The following CNTNAP5 variants were observed in gnomAD, a reference collection of about 807,000 sequenced individuals.
CNTNAP5 encodes contactin-associated protein-like 5.
CNTNAP5 carries 72 observed loss-of-function variants against 150.2 expected under a neutral mutation model. The observed-to-expected ratio is 0.48, with a 90% CI of 0.40 to 0.58. The LOEUF (loss-of-function observed/expected upper bound fraction) is 0.58, where lower values mean the gene tolerates loss of function less well. CNTNAP5 is among the 20% of genes least tolerant of loss of function. The probability of loss-of-function intolerance (pLI) is 0.00; values close to 1 mark genes in which losing one functional copy is unlikely to be tolerated. For missense variants in CNTNAP5, 1,636 were observed against 1,626.2 expected, an observed-to-expected ratio of 1.01 and a Z score of -0.10; for synonymous variants, 672 against 619.8, an observed-to-expected ratio of 1.08 and a Z score of -1.25.
chr2:124,384,174 A>T (rs1320037800), intron 3 of CNTNAP5, among the ~76,000 whole-genome samples: 1 of 152,132 alleles, frequency 6.6e-6, no homozygotes, highest in African/African-American at 2.4e-5. Flanking sequence ...TTGAAAGTTA[A>T]AGAGGTCTCT....
chr2:124,454,673 C>A (rs1483145539), intron 6 of CNTNAP5, among the ~76,000 whole-genome samples: 1 of 152,030 alleles, frequency 6.6e-6, no homozygotes, highest in Non-Finnish European at 1.5e-5. Context: ...TTCAAGAAAA[C>A]TGAAATTATG....
intron 1 of CNTNAP5, among the ~76,000 whole-genome samples, chr2:124,199,099 T>C (rs1685657514): frequency 6.6e-6 from 1 of 152,156 alleles, no homozygotes; most frequent in Non-Finnish European, 1.5e-5. Flanking sequence ...TATTTTCTTC[T>C]TTTTCAGGAA....
rs71394025 is a variant in CNTNAP5 at position 124,149,403 on chromosome 2, C to CAAAAAA, written c.83-72284_83-72279dup. On this transcript the variant is annotated intron_variant, in intron 1 of 23. Coordinates refer to ENST00000682447, the MANE Select transcript of CNTNAP5 (RefSeq NM_001367498.1). ...ATGTGTTCCAAGATGGCGTCAATTG[C>CAAAAAA]AAAAAAAAAAAAAAAAAAAAAAACT... 1.0e-3 allele frequency among the ~76,000 whole-genome samples: 83 copies of CAAAAAA among 82,764 alleles called. 1 individual carries two copies. Among genetic ancestry groups the CAAAAAA allele is most frequent in the Non-Finnish European group, 1.4e-3 (66 of 45,538 alleles). 54.3% of individuals were successfully genotyped at this position (82,764 alleles called of 152,430 possible).
intron 2 of CNTNAP5, among the ~76,000 whole-genome samples, chr2:124,237,060 C>T (rs1037547179): frequency 6.6e-5 from 10 of 152,022 alleles, no homozygotes; most frequent in African/African-American, 2.4e-4. Context: ...ACCCAGGAGG[C>T]AGAAGTTGCA....
At chr2:124,201,545 A>G (rs1200456737) in intron 1 of CNTNAP5, among the ~76,000 whole-genome samples, 2 of 152,224 alleles carry the variant, frequency 1.3e-5, no homozygotes, top group African/African-American at 4.8e-5. Flanking sequence ...TACATCTAAA[A>G]CCCTGCTTCT....
At position 124,542,578 on chromosome 2, in the gene CNTNAP5, T is replaced by C. The variant is rs528198291; in HGVS notation, c.1649+15122T>C. On this transcript the variant is annotated intron_variant, in intron 10 of 23. Transcript: ENST00000682447. Reference sequence around the variant, plus strand: ...GTCTGGAGCTCCCTTCCCAGTTTCTTTTGCCCAAATCCAGCCCATCTGTCA... The same window carrying C: ...GTCTGGAGCTCCCTTCCCAGTTTCTCTTGCCCAAATCCAGCCCATCTGTCA... Among the ~76,000 whole-genome samples, 13 of 152,160 alleles carry C rather than the reference T, an allele frequency of 8.5e-5. No homozygotes were observed. In the East Asian group the frequency reaches 2.5e-3, roughly 29 times the overall value.
chr2:124,158,600 G>T (rs961066811), intron 1 of CNTNAP5, among the ~76,000 whole-genome samples: 4 of 152,158 alleles, frequency 2.6e-5, no homozygotes, highest in African/African-American at 9.7e-5. Flanking sequence ...AATGTGGAGG[G>T]CTGACTCTAT....
chr2:124,280,258 C>G lies in CNTNAP5; in HGVS notation c.381+37865C>G, dbSNP rs144518897. Among the ~76,000 whole-genome samples the G allele has an allele frequency of 2.6e-5, 4 of 152,182 alleles. No individual in the cohort carries two copies. In the East Asian group the frequency reaches 7.7e-4, roughly 29 times the overall value. On this transcript the variant is annotated intron_variant, in intron 3 of 23. Transcript: ENST00000682447. ...TCTCAGCTCACTGAAACCTCTACCT[C>G]CCTGGTTCAAGCAATTCCTCTGTCT...
intron 1 of CNTNAP5, among the ~76,000 whole-genome samples, chr2:124,213,157 T>C (rs1448749835): frequency 1.3e-5 from 2 of 152,052 alleles, no homozygotes; most frequent in African/African-American, 4.8e-5. Flanking sequence ...ATAATTCTGC[T>C]CTTTCATCCT....
At chr2:124,125,405 T>G (rs1230639504) in intron 1 of CNTNAP5, among the ~76,000 whole-genome samples, 1 of 152,108 alleles carries the variant, frequency 6.6e-6, no homozygotes, top group African/African-American at 2.4e-5. Context: ...GCACCCAGAT[T>G]CATAAAGCAA....
chr2:124,303,163 T>C (rs1031329830), intron 3 of CNTNAP5, among the ~76,000 whole-genome samples: 2 of 152,216 alleles, frequency 1.3e-5, no homozygotes, highest in South Asian at 4.2e-4. Flanking sequence ...GGGAGGTCTA[T>C]TTTTTTCATT....
chr2:124,110,036 A>G (rs1683259305), intron 1 of CNTNAP5, among the ~76,000 whole-genome samples: 1 of 152,154 alleles, frequency 6.6e-6, no homozygotes, highest in Admixed American at 6.5e-5. Context: ...TAGGCCACAC[A>G]TGTGTTCAGT....
chr2:124,104,640 G>T (rs1683135934), intron 1 of CNTNAP5, among the ~76,000 whole-genome samples: 1 of 152,090 alleles, frequency 6.6e-6, no homozygotes, highest in African/African-American at 2.4e-5. Context: ...GCAAAGTAAA[G>T]CACTTTCCTA....
At chr2:124,364,638 A>T (rs1690317309) in intron 3 of CNTNAP5, among the ~76,000 whole-genome samples, 2 of 152,226 alleles carry the variant, frequency 1.3e-5, no homozygotes, top group African/African-American at 4.8e-5. Context: ...AAATAGATGA[A>T]AGAATGAACA....
intron 4 of CNTNAP5, among the ~76,000 whole-genome samples, chr2:124,426,107 T>C (rs1692232214): frequency 6.6e-6 from 1 of 152,180 alleles, no homozygotes; most frequent in Non-Finnish European, 1.5e-5. Context: ...AGAGCTAGAA[T>C]GTATTTCTGC....
At chr2:124,660,457 G>A (rs1008715577) in intron 13 of CNTNAP5, among the ~76,000 whole-genome samples, 31 of 152,078 alleles carry the variant, frequency 2.0e-4, no homozygotes, top group African/African-American at 7.5e-4. Flanking sequence ...AGCCACATGG[G>A]CAATTTAAAA....
intron 13 of CNTNAP5, among the ~76,000 whole-genome samples, chr2:124,718,313 T>C (rs1172939815): frequency 2.6e-5 from 4 of 152,192 alleles, no homozygotes; most frequent in Non-Finnish European, 5.9e-5. Flanking sequence ...AAGGTTCCTA[T>C]TTCTGTTTCA....
chr2:124,762,282 T>C (rs1305035068), intron 14 of CNTNAP5, among the ~76,000 whole-genome samples: 8 of 152,166 alleles, frequency 5.3e-5, no homozygotes, highest in Admixed American at 5.2e-4. Flanking sequence ...TAGGAATATA[T>C]GTACAGGTGA....
intron 4 of CNTNAP5, among the ~76,000 whole-genome samples, chr2:124,422,997 C>G (rs751157593): frequency 2.0e-5 from 3 of 152,102 alleles, no homozygotes; most frequent in Admixed American, 6.5e-5. Flanking sequence ...CTATCATTTC[C>G]GTGTCTGTGA....
Sources: gnomAD v4.1 joint callset for allele counts (sites outside exome capture counted in the v4.1 genomes callset) on GRCh38, gnomAD v4.1.1 for gene constraint, MANE v1.5 for transcripts, NCBI Gene and HGNC (gene_info 2026-07-23, HGNC 2026-07-21) for gene names.